The following RYR3 variants were observed in gnomAD, a reference collection of about 807,000 sequenced individuals.
RYR3 encodes the protein brain ryanodine receptor-calcium release channel.
Under a neutral mutation model 584.3 loss-of-function variants are expected in RYR3, and 207 were observed. The observed-to-expected ratio is 0.35, with a 90% CI of 0.32 to 0.40. RYR3 has a LOEUF of 0.40. RYR3 is among the 10% of genes least tolerant of loss of function. The pLI is 1.00. For synonymous variants in RYR3, 2,416 were observed against 2,248.5 expected (o/e 1.07, Z -2.11); for missense variants, 5,616 against 6,089.2 (o/e 0.92, Z 2.59).
chr15:33,834,327 G>GCACACAC (rs1567276035), intron 86 of RYR3, among the ~76,000 whole-genome samples: 2,660 of 112,576 alleles, frequency 0.024, 76 homozygotes, highest in African/African-American at 0.074. Flanking sequence ...CACACACAGT[G>GCACACAC]AGATTAACAT....
chr15:33,774,152 G>A (rs1339516234), intron 64 of RYR3, among the ~76,000 whole-genome samples: 2 of 152,122 alleles, frequency 1.3e-5, no homozygotes, highest in Non-Finnish European at 2.9e-5. Flanking sequence ...GAAGCGTGTG[G>A]GTTCCAGTTT....
intron 3 of RYR3, among the ~76,000 whole-genome samples, chr15:33,508,443 A>G (rs1253212382): frequency 6.6e-6 from 1 of 152,020 alleles, no homozygotes; most frequent in Non-Finnish European, 1.5e-5. Flanking sequence ...AGGTCAGGAG[A>G]TCGAGACCAT....
intron 15 of RYR3, among the ~76,000 whole-genome samples, chr15:33,584,773 C>A (rs1362545766): frequency 6.6e-6 from 1 of 151,244 alleles, no homozygotes; most frequent in Non-Finnish European, 1.5e-5. Context: ...CATTAATCAC[C>A]CCCCACCCCC....
intron 1 of RYR3, among the ~76,000 whole-genome samples, chr15:33,323,889 C>G (rs529403718): frequency 1.1e-4 from 16 of 152,266 alleles, no homozygotes; most frequent in Admixed American, 2.6e-4. Context: ...GGGCAAATAA[C>G]TCACAAAGCT....
chr15:33,577,463 G>A lies in RYR3; in HGVS notation c.1269-2513G>A, dbSNP rs138174142. On this transcript the variant is annotated intron_variant, in intron 12 of 103. Transcript: ENST00000634891. Reference sequence around the variant, plus strand: ...GAATAGAGAACTCAGAAATAAGACCGCACATCTACAACCATCTGATCTTTG... The same window carrying A: ...GAATAGAGAACTCAGAAATAAGACCACACATCTACAACCATCTGATCTTTG... Among the ~76,000 whole-genome samples the A allele has an allele frequency of 6.3e-4, 96 of 152,064 alleles. 1 individual carries two copies. Among genetic ancestry groups the A allele is most frequent in the South Asian group, 3.1e-3 (15 of 4,806 alleles).
intron 39 of RYR3, among the ~76,000 whole-genome samples, chr15:33,696,781 G>A (rs1010565088): frequency 3.3e-5 from 5 of 152,156 alleles, no homozygotes; most frequent in Non-Finnish European, 7.3e-5. Context: ...GGAAGGGACG[G>A]TGTGTTCAAC....
chr15:33,313,102 A>C (rs1967588993), intron 1 of RYR3, among the ~76,000 whole-genome samples: 1 of 152,114 alleles, frequency 6.6e-6, no homozygotes, highest in Admixed American at 6.5e-5. Context: ...GTGACTCCAA[A>C]TGTGGCGTTA....
chr15:33,789,210 G>A (rs2074937440), intron 67 of RYR3, among the ~76,000 whole-genome samples: 1 of 152,150 alleles, frequency 6.6e-6, no homozygotes, highest in South Asian at 2.1e-4. Context: ...GAGGCAACAC[G>A]GGGCCGAGAG....
intron 37 of RYR3, among the ~76,000 whole-genome samples, chr15:33,669,867 TGTGGGTGTGTGTG>T: frequency 2.5e-5 from 1 of 39,230 alleles, no homozygotes; most frequent in African/African-American, 9.0e-5. Flanking sequence ...GGTGTGGGTG[TGTGGGTGTGTGTG>T]GTGTGTGTGT....
chr15:33,612,734 A>C (rs908512238), intron 18 of RYR3, among the ~76,000 whole-genome samples: 2 of 152,128 alleles, frequency 1.3e-5, no homozygotes, highest in Non-Finnish European at 2.9e-5. Context: ...ACTCTACAGC[A>C]GTCTAATCTT....
Position 33,680,436 on chromosome 15 carries a change from A to G in RYR3, c.5860+9880A>G, listed in dbSNP as rs569143488. 2.6e-5 allele frequency among the ~76,000 whole-genome samples: 4 copies of G among 152,348 alleles called. No individual in the cohort carries two copies. In the South Asian group the frequency reaches 6.2e-4, roughly 24 times the overall value. On this transcript the variant is annotated intron_variant, in intron 38 of 103. Transcript: ENST00000634891. ...GGCTCTGCTCACTCTCCAGGCAGTC[A>G]TCTTGCTTCTTGTTCCAGCTTTGCC...
At chr15:33,554,461 A>G (rs1485445576) in intron 10 of RYR3, among the ~76,000 whole-genome samples, 1 of 151,828 alleles carries the variant, frequency 6.6e-6, no homozygotes, top group African/African-American at 2.4e-5. Context: ...ACACCGGGCT[A>G]ATTTTTTTGT....
intron 18 of RYR3, among the ~76,000 whole-genome samples, chr15:33,607,632 T>A (rs1273017180): frequency 1.3e-5 from 2 of 152,228 alleles, no homozygotes; most frequent in Non-Finnish European, 2.9e-5. Context: ...TGTGCATGTT[T>A]TTCAGTACTG....
In RYR3 at chr15:33,426,248, G is replaced by A. The variant is rs59414774; in HGVS notation, c.52-47171G>A. Among the ~76,000 whole-genome samples, 17 of 152,272 alleles carry A rather than the reference G, an allele frequency of 1.1e-4. No individual in the cohort carries two copies. The East Asian group carries it at 3.1e-3, about 28-fold the overall frequency. On this transcript the variant is annotated intron_variant, in intron 1 of 103. Transcript: ENST00000634891. ...TTGAATTAATACTTTAAAATACTTTGATTTCAATACTTTGAAATTACTGAG... is the reference window on the plus strand; with the variant it reads ...TTGAATTAATACTTTAAAATACTTTAATTTCAATACTTTGAAATTACTGAG...
At chr15:33,593,119 A>G (rs987931545) in intron 16 of RYR3, among the ~76,000 whole-genome samples, 14 of 152,240 alleles carry the variant, frequency 9.2e-5, no homozygotes, top group Non-Finnish European at 1.8e-4. Flanking sequence ...CAAAGGAGGC[A>G]ATCAGATATG....
At position 33,516,061 on chromosome 15, in the gene RYR3, C is replaced by T. The variant is rs529798795; in HGVS notation, c.279+12323C>T. 2.6e-5 allele frequency among the ~76,000 whole-genome samples: 4 copies of T among 152,218 alleles called. No homozygotes were observed. The South Asian group carries it at 6.2e-4, about 24-fold the overall frequency. On this transcript the variant is annotated intron_variant, in intron 3 of 103. Coordinates refer to ENST00000634891, the MANE Select transcript of RYR3 (RefSeq NM_001036.6). ...CTAAGATAAAATTCTAACAAAAAAA[C>T]CTTTATTATGATATTTGTATTAAAC...
rs145486196 is a variant in RYR3 at position 33,494,430 on chromosome 15, T to C, written c.172-9201T>C. Reference sequence around the variant, plus strand: ...TGCCTAGAAACAGCAATCATTCTGCTCATGGCTGCAAGTGCTTCTGCTTTA... The same window carrying C: ...TGCCTAGAAACAGCAATCATTCTGCCCATGGCTGCAAGTGCTTCTGCTTTA... On this transcript the variant is annotated intron_variant, in intron 2 of 103. Coordinates refer to ENST00000634891, the MANE Select transcript of RYR3 (RefSeq NM_001036.6). Among the ~76,000 whole-genome samples the C allele has an allele frequency of 1.2e-3, 182 of 152,312 alleles. 1 individual carries two copies. Among genetic ancestry groups the C allele is most frequent in the African/African-American group, 3.9e-3 (162 of 41,568 alleles).
chr15:33,337,084 T>TAAAAAAAA (rs1555431133), intron 1 of RYR3, among the ~76,000 whole-genome samples: 1 of 94,534 alleles, frequency 1.1e-5, no homozygotes, highest in African/African-American at 3.7e-5. Flanking sequence ...AAAAAAAAAG[T>TAAAAAAAA]TTATAAAACT....
chr15:33,851,840 A>G (rs2079137976), intron 94 of RYR3: 1 of 152,206 alleles, frequency 6.6e-6, no homozygotes, highest in Admixed American at 6.5e-5. Context: ...ATTTAAATGC[A>G]GTGCATAAAA....
Sources: allele counts gnomAD v4.1 joint callset (sites outside exome capture counted in the v4.1 genomes callset), GRCh38; gene constraint gnomAD v4.1.1; transcripts MANE v1.5; gene names NCBI Gene and HGNC (gene_info 2026-07-23, HGNC 2026-07-21).